Variants in EYA2 observed in about 807,000 individuals in gnomAD.
The protein encoded by EYA2 is protein phosphatase EYA2.
In EYA2, 31 loss-of-function variants were observed where a neutral mutation model predicts 69.2. The observed-to-expected ratio is 0.45, with a 90% CI of 0.34 to 0.60. The LOEUF (loss-of-function observed/expected upper bound fraction) is 0.60. Among genes scored for constraint, EYA2 ranks in the 20% least tolerant of loss-of-function variants. EYA2 has a pLI of 0.02. For missense variants in EYA2, 622 were observed against 701.2 expected, an observed-to-expected ratio of 0.89 and a Z score of 1.28; for synonymous variants, 257 against 279.4, an observed-to-expected ratio of 0.92 and a Z score of 0.80.
At chr20:46,904,306 G>A (rs1250288065) in intron 1 of EYA2, among the ~76,000 whole-genome samples, 1 of 150,026 alleles carries the variant, frequency 6.7e-6, no homozygotes, top group Non-Finnish European at 1.5e-5. Context: ...CCCATTTCTT[G>A]CTGTACCCCC....
chr20:47,004,248 G>A (rs1982552581), intron 3 of EYA2, among the ~76,000 whole-genome samples: 1 of 152,272 alleles, frequency 6.6e-6, no homozygotes, highest in South Asian at 2.1e-4. Context: ...TTAAGAATGG[G>A]ACAGATTCAG....
intron 1 of EYA2, among the ~76,000 whole-genome samples, chr20:46,984,024 A>G (rs921777537): frequency 1.3e-5 from 2 of 152,210 alleles, no homozygotes; most frequent in African/African-American, 2.4e-5. Context: ...TCAGTTGGAC[A>G]GTTTAATACA....
intron 7 of EYA2, among the ~76,000 whole-genome samples, chr20:47,080,943 C>G (rs112405408): frequency 1.7e-4 from 26 of 152,316 alleles, no homozygotes; most frequent in Middle Eastern, 6.8e-3. Context: ...TCATAGTTCT[C>G]CGTAACCTCG....
intron 11 of EYA2, among the ~76,000 whole-genome samples, chr20:47,172,144 A>G (rs1478072927): frequency 1.3e-5 from 2 of 151,826 alleles, no homozygotes; most frequent in East Asian, 3.9e-4. Context: ...TAAAAAGTCA[A>G]AATAAGGGAC....
intron 9 of EYA2, among the ~76,000 whole-genome samples, chr20:47,097,632 C>T (rs2298003): frequency 2.6e-5 from 4 of 152,150 alleles, no homozygotes; most frequent in South Asian, 4.2e-4. Context: ...TCTTAGCAAT[C>T]GTTTTGCAAA....
rs75705895 is a variant in EYA2 at position 46,936,668 on chromosome 20, C to T, written c.-11+41681C>T. Among the ~76,000 whole-genome samples, 31 of 152,090 alleles carry T rather than the reference C, an allele frequency of 2.0e-4. No individual in the cohort carries two copies. The East Asian group carries it at 3.9e-3, about 19-fold the overall frequency. On this transcript the variant is annotated intron_variant, in intron 1 of 15. Transcript: ENST00000327619. ...TATTGCTGTTATTAATATTGTGAAACGACATCAGACTCAAACCCTTCTCCC... is the reference window on the plus strand; with the variant it reads ...TATTGCTGTTATTAATATTGTGAAATGACATCAGACTCAAACCCTTCTCCC...
chr20:47,111,861 G>A (rs575241572), intron 9 of EYA2, among the ~76,000 whole-genome samples: 5 of 152,300 alleles, frequency 3.3e-5, no homozygotes, highest in African/African-American at 1.2e-4. Context: ...ACTCTGACTA[G>A]TAGCCCAATA....
rs370944686 is a variant in EYA2 at position 47,166,393 on chromosome 20, T to TAA, written c.979-2709_979-2708dup. ...GCTTGGGTGACAGAGCAAGACTGTC[T>TAA]AAAAAAAAAAAAAAAAAAAAAAAAA... is the stretch of plus-strand genomic sequence containing the variant. On this transcript the variant is annotated intron_variant, in intron 10 of 15. Transcript: ENST00000327619. Among the ~76,000 whole-genome samples the TAA allele has an allele frequency of 1.2e-3, 43 of 34,516 alleles. 8 individuals are homozygous for TAA. Among genetic ancestry groups the TAA allele is most frequent in the Admixed American group, 4.8e-3 (10 of 2,068 alleles). 22.6% of individuals were successfully genotyped at this position (34,516 alleles called of 152,430 possible). A position where few individuals can be genotyped will look rare whatever the true frequency, so the allele number is the denominator to read the frequency against.
intron 8 of EYA2, 148 bp downstream of exon 8, chr20:47,089,529 C>G: frequency 1.1e-6 from 1 of 924,090 alleles, no homozygotes; most frequent in Non-Finnish European, 1.6e-6. Context: ...TGAGGTTGTC[C>G]AAGCAGGTAG....
intron 3 of EYA2, among the ~76,000 whole-genome samples, chr20:47,004,587 C>A (rs566681502): frequency 2.0e-5 from 3 of 152,302 alleles, no homozygotes; most frequent in Non-Finnish European, 4.4e-5. Context: ...CGTATCATGG[C>A]TCTGTCATCT....
chr20:47,035,187 C>T (rs1984629233), intron 5 of EYA2, among the ~76,000 whole-genome samples: 1 of 152,110 alleles, frequency 6.6e-6, no homozygotes, highest in African/African-American at 2.4e-5. Flanking sequence ...GCTGGCTGGG[C>T]TTAGCAAAAA....
intron 5 of EYA2, among the ~76,000 whole-genome samples, chr20:47,046,259 TC>T (rs752966859): frequency 2.0e-5 from 3 of 152,284 alleles, no homozygotes; most frequent in Admixed American, 6.5e-5. Context: ...CCAAATCACC[TC>T]CCAAAGGTCT....
chr20:46,970,533 AG>A lies in EYA2; in HGVS notation c.-10-19466del, dbSNP rs529148508. ...CAGCCCAAAAACCTCAATAGTGCCA[AG>A]GCTGAGAATTTCTGAGATAGAGAGA... On this transcript the variant is annotated intron_variant, in intron 1 of 15. Coordinates refer to ENST00000327619, the MANE Select transcript of EYA2 (RefSeq NM_005244.5). Among the ~76,000 whole-genome samples, 194 of 152,344 alleles carry A rather than the reference AG, an allele frequency of 1.3e-3. 1 individual carries two copies. Among genetic ancestry groups the A allele is most frequent in the African/African-American group, 4.5e-3 (188 of 41,590 alleles).
chr20:46,968,633 G>T (rs1214708467), intron 1 of EYA2, among the ~76,000 whole-genome samples: 1 of 152,054 alleles, frequency 6.6e-6, no homozygotes, highest in Non-Finnish European at 1.5e-5. Context: ...TTGGATGATT[G>T]TTGTGGAGCT....
In EYA2 at chr20:47,088,912, C is replaced by T. The variant is rs375383452; in HGVS notation, c.662-327C>T. On this transcript the variant is annotated intron_variant, in intron 7 of 15. Coordinates refer to ENST00000327619, the MANE Select transcript of EYA2 (RefSeq NM_005244.5). ...AATTCTCTGTGGCACATTTCCCTCC[C>T]GGGCTTGGTGTATGCTTACTTGTCG... is the stretch of plus-strand genomic sequence containing the variant. Among the ~76,000 whole-genome samples the T allele has an allele frequency of 9.8e-5, 15 of 152,328 alleles. No homozygotes were observed. The East Asian group carries it at 2.3e-3, about 24-fold the overall frequency.
At chr20:46,916,413 T>A (rs1307836979) in intron 1 of EYA2, among the ~76,000 whole-genome samples, 3 of 117,854 alleles carry the variant, frequency 2.5e-5, no homozygotes, top group Admixed American at 1.8e-4. Flanking sequence ...GGTGAGTGTG[T>A]CAGAGTCTGT....
chr20:47,131,045 C>T (rs1025914513), intron 9 of EYA2, among the ~76,000 whole-genome samples: 2 of 151,832 alleles, frequency 1.3e-5, no homozygotes, highest in African/African-American at 2.4e-5. Flanking sequence ...GCTGAGACTG[C>T]GCCATTGCAC....
intron 7 of EYA2, among the ~76,000 whole-genome samples, chr20:47,085,330 A>G (rs1197562958): frequency 1.3e-5 from 2 of 152,162 alleles, no homozygotes; most frequent in Non-Finnish European, 2.9e-5. Flanking sequence ...GTATCCATAC[A>G]ATTGAATAGT....
intron 9 of EYA2, among the ~76,000 whole-genome samples, chr20:47,129,321 A>T (rs1200269333): frequency 2.0e-5 from 3 of 152,196 alleles, no homozygotes; most frequent in Non-Finnish European, 4.4e-5. Flanking sequence ...ATGTGGAGTG[A>T]GTGGGGAGGA....
Sources: gnomAD v4.1 joint callset for allele counts (sites outside exome capture counted in the v4.1 genomes callset) on GRCh38, gnomAD v4.1.1 for gene constraint, MANE v1.5 for transcripts, NCBI Gene and HGNC (gene_info 2026-07-23, HGNC 2026-07-21) for gene names.